Variants in PPP1R37 observed in about 807,000 individuals in gnomAD.
PPP1R37 encodes leucine rich repeat containing 68.
PPP1R37 carries 21 observed loss-of-function variants against 61.0 expected under a neutral mutation model. That is an observed-to-expected ratio of 0.34 (90% CI 0.24 to 0.50). The LOEUF (loss-of-function observed/expected upper bound fraction) is 0.50, where lower values mean the gene tolerates loss of function less well. Among genes scored for constraint, PPP1R37 ranks in the 20% least tolerant of loss-of-function variants. The pLI is 0.98. For missense variants in PPP1R37, 910 were observed against 952.7 expected, an observed-to-expected ratio of 0.96 and a Z score of 0.59; for synonymous variants, 443 against 433.5, an observed-to-expected ratio of 1.02 and a Z score of -0.27.
intron 1 of PPP1R37, among the ~76,000 whole-genome samples, chr19:45,104,204 G>A (rs964937872): frequency 2.6e-5 from 4 of 152,162 alleles, no homozygotes; most frequent in Admixed American, 6.5e-5. Flanking sequence ...TGCTCCGCTC[G>A]TCTGGGTTCC....
intron 8 of PPP1R37, 192 bp downstream of exon 8, chr19:45,143,825 TTTCA>T (rs1322085503): frequency 2.0e-6 from 1 of 488,678 alleles, no homozygotes; most frequent in Admixed American, 3.7e-5. Context: ...GGAGCCCTTC[TTTCA>T]TTATCTCCTT....
chr19:45,134,732 G>C (rs1338474549), intron 1 of PPP1R37, among the ~76,000 whole-genome samples: 6 of 151,994 alleles, frequency 3.9e-5, no homozygotes, highest in Non-Finnish European at 8.8e-5. Flanking sequence ...GCTAATTTTT[G>C]TATTTTTAGT....
rs566716913 is a variant in PPP1R37, at chr19:45,145,460, A to G, written c.1404A>G (p.Pro468=). The G allele has an allele frequency of 2.9e-5, 44 of 1,535,078 alleles. No individual in the cohort carries two copies. The East Asian group carries it at 9.5e-4, about 33-fold the overall frequency. ...AGAGGGAGGAGAAGGAGCAGCCGCC[A>G]CAGCTGTCGGCCTCCATGCCTGAGA... ...AREREEKEQP[P]QLSASMPETT... is the part of the protein sequence containing the mutation. Residue 468 remains proline (P), a synonymous_variant, in exon 11 of 13, where the codon CCA becomes CCG. Transcript: ENST00000221462.
intron 7 of PPP1R37, chr19:45,143,230 G>A (rs1968637276): frequency 8.8e-6 from 3 of 342,842 alleles, no homozygotes; most frequent in Non-Finnish European, 1.6e-5. Context: ...GAGGGAGACA[G>A]TGGTGACTGT....
At chr19:45,141,508 G>C in intron 5 of PPP1R37, 67 bp downstream of exon 5, 4 of 1,487,200 alleles carry the variant, frequency 2.7e-6, no homozygotes, top group Non-Finnish European at 3.6e-6. Context: ...ACTTTCTCAG[G>C]GCATGGCCCG....
Position 45,145,812 on chromosome 19 carries a change from T to TCCCCCCCCCCCCCCCCCCCC in PPP1R37, c.1761_1762insCCCCCCCCCCCCCCCCCCCC (p.Thr588ProfsTer57). 3.3e-6 allele frequency: 4 copies of TCCCCCCCCCCCCCCCCCCCC among 1,227,580 alleles called. No individual in the cohort carries two copies. The highest frequency in any genetic ancestry group is 2.2e-6 in the Non-Finnish European group (2 of 922,062). 76.0% of individuals were successfully genotyped at this position (1,227,580 alleles called of 1,614,324 possible). ...GCCCGAGAGGGCAGAGCCCCCTGCG[T>TCCCCCCCCCCCCCCCCCCCC]CCCCCACCCCTCCCTCTCCCCCACC... On this transcript the variant is annotated frameshift_variant, in exon 11 of 13. Transcript: ENST00000221462. LOFTEE classifies it high-confidence loss of function.
chr19:45,126,784 C>T (rs1968410181), intron 1 of PPP1R37, among the ~76,000 whole-genome samples: 2 of 152,206 alleles, frequency 1.3e-5, no homozygotes, highest in African/African-American at 2.4e-5. Flanking sequence ...TCTCTCCACC[C>T]TGCCCATCCC....
chr19:45,102,465 A>G (rs1968076448), intron 1 of PPP1R37, among the ~76,000 whole-genome samples: 1 of 152,272 alleles, frequency 6.6e-6, no homozygotes, highest in South Asian at 2.1e-4. Context: ...ATTAGCCTCT[A>G]CTTGGAAAGC....
At chr19:45,137,919 G>A (rs1287429154) in intron 1 of PPP1R37, among the ~76,000 whole-genome samples, 1 of 151,824 alleles carries the variant, frequency 6.6e-6, no homozygotes, top group Non-Finnish European at 1.5e-5. Context: ...CAGAAGGATT[G>A]CTGAAGCCCA....
At chr19:45,138,758 T>C (rs992401365) in intron 2 of PPP1R37, 147 bp downstream of exon 2, 22 of 570,800 alleles carry the variant, frequency 3.9e-5, no homozygotes, top group Non-Finnish European at 6.9e-5. Context: ...AGCTAGAGAA[T>C]GAATCAGTTT....
chr19:45,146,203 C>A (rs929387045), intron 11 of PPP1R37, 154 bp downstream of exon 11: 4 of 980,262 alleles, frequency 4.1e-6, no homozygotes, highest in Admixed American at 2.8e-5. Context: ...CTCCACCCTG[C>A]TTCCCTTGGG....
At chr19:45,106,974 GC>G (rs1238759273) in intron 1 of PPP1R37, among the ~76,000 whole-genome samples, 1 of 151,630 alleles carries the variant, frequency 6.6e-6, no homozygotes. Context: ...CCGCCACCAT[GC>G]CCGGCTAATT....
intron 1 of PPP1R37, among the ~76,000 whole-genome samples, chr19:45,116,828 G>A (rs74418148): frequency 0.029 from 4,452 of 151,982 alleles, 225 homozygotes; most frequent in African/African-American, 0.1. Flanking sequence ...AGGAGGCAGA[G>A]TGTTGTCTGG....
At position 45,145,143 on chromosome 19, in the gene PPP1R37, A is replaced by G; in HGVS notation, c.1179A>G (p.Arg393=). ...EFIAESPRLL[R]LDLRENEIKT... ...TCGCTGAGAGCCCCCGCCTCCTGAG[A>G]CTGGACCTTCGGGAGAACGAGATCA... Residue 393 remains arginine, a synonymous_variant, in exon 10 of 13, where the codon AGA becomes AGG. Coordinates refer to ENST00000221462, the MANE Select transcript of PPP1R37 (RefSeq NM_019121.2). The G allele has an allele frequency of 1.3e-6, 2 of 1,534,804 alleles. No individual in the cohort carries two copies. Among genetic ancestry groups the G allele is most frequent in the Non-Finnish European group, 8.7e-7 (1 of 1,146,300 alleles).
chr19:45,093,632 A>C, intron 1 of PPP1R37, 105 bp downstream of exon 1: 2 of 767,732 alleles, frequency 2.6e-6, no homozygotes, highest in Non-Finnish European at 4.1e-6. Context: ...ATTGCACCTA[A>C]TGGTGAATAA....
intron 1 of PPP1R37, chr19:45,100,302 A>T (rs970865201): frequency 1.3e-5 from 2 of 152,218 alleles, no homozygotes; most frequent in African/African-American, 4.8e-5. Context: ...AATACTGCAG[A>T]AATTCAAGCT....
intron 1 of PPP1R37, among the ~76,000 whole-genome samples, chr19:45,112,582 TCA>T (rs1968215282): frequency 1.3e-5 from 2 of 152,200 alleles, no homozygotes; most frequent in South Asian, 2.1e-4. Flanking sequence ...CGAACAAGAC[TCA>T]CAGTCCCTGC....
chr19:45,106,019 G>A (rs1263389700), intron 1 of PPP1R37, among the ~76,000 whole-genome samples: 4 of 152,204 alleles, frequency 2.6e-5, no homozygotes, highest in Non-Finnish European at 4.4e-5. Context: ...CCAACAGGCG[G>A]GGCCATCTGA....
chr19:45,138,486 C>A lies in PPP1R37; in HGVS notation c.203-28C>A, dbSNP rs746829132. 89 of 1,518,482 alleles carry A rather than the reference C, an allele frequency of 5.9e-5. 1 individual carries two copies. In the Middle Eastern group the frequency reaches 8.4e-4, roughly 14 times the overall value. 94.1% of individuals were successfully genotyped at this position (1,518,482 alleles called of 1,614,324 possible). ...ATGAAGGACTCGGGGTGTGGACAGT[C>A]ACAGGCCTGGGTCCCCTGTGCCTGC... On this transcript the variant is annotated intron_variant, in intron 1 of 12. Coordinates refer to ENST00000221462, the MANE Select transcript of PPP1R37 (RefSeq NM_019121.2).
Sources: gnomAD v4.1 joint callset for allele counts (sites outside exome capture counted in the v4.1 genomes callset) on GRCh38, gnomAD v4.1.1 for gene constraint, MANE v1.5 for transcripts, NCBI Gene and HGNC (gene_info 2026-07-23, HGNC 2026-07-21) for gene names.